Variants in ENTREP2 observed in about 807,000 individuals in gnomAD.
ENTREP2 encodes endosomal transmembrane epsin interactor 2, also known as protein ENTREP2.
the ENTREP2 span, among the ~76,000 whole-genome samples, chr15:29,136,070 G>T: frequency 1.3e-5 from 2 of 152,234 alleles, no homozygotes. Context: ...GATCTAAGGG[G>T]AAAAGCACCA....
the ENTREP2 span, among the ~76,000 whole-genome samples, chr15:29,280,624 C>T: frequency 6.6e-6 from 1 of 152,126 alleles, no homozygotes; most frequent in African/African-American, 2.4e-5. Context: ...CAGCCAATGC[C>T]CCCCCACACA....
chr15:29,563,327 T>G, the ENTREP2 span, among the ~76,000 whole-genome samples: 2 of 152,206 alleles, frequency 1.3e-5, no homozygotes, highest in Admixed American at 6.5e-5. Context: ...ATTCCTTTAA[T>G]TCACTATATC....
the ENTREP2 span, among the ~76,000 whole-genome samples, chr15:29,338,438 A>AG: frequency 6.6e-6 from 1 of 151,804 alleles, no homozygotes; most frequent in East Asian, 1.9e-4. Context: ...AAAAAAAAAA[A>AG]AAAGAAAAGA....
At chr15:29,537,555 C>T in the ENTREP2 span, among the ~76,000 whole-genome samples, 2 of 152,178 alleles carry the variant, frequency 1.3e-5, no homozygotes, top group African/African-American at 4.8e-5. Flanking sequence ...TCCTCAAACC[C>T]TTGGCCTGGC....
At chr15:29,289,133 G>C in the ENTREP2 span, among the ~76,000 whole-genome samples, 1,132 of 151,838 alleles carry the variant, frequency 7.5e-3, 8 homozygotes, top group Non-Finnish European at 0.011. Flanking sequence ...CTTGAGCCTA[G>C]GAGGCAGAGG....
At chr15:29,454,921 G>A in the ENTREP2 span, among the ~76,000 whole-genome samples, 4 of 152,206 alleles carry the variant, frequency 2.6e-5, no homozygotes, top group African/African-American at 4.8e-5. Flanking sequence ...CATTATACAC[G>A]TAAAGCACTT....
chr15:29,516,485 C>T, the ENTREP2 span, among the ~76,000 whole-genome samples: 35 of 152,118 alleles, frequency 2.3e-4, no homozygotes, highest in African/African-American at 8.4e-4. Flanking sequence ...GAAGTGTACA[C>T]AACAATACTA....
the ENTREP2 span, among the ~76,000 whole-genome samples, chr15:29,565,694 T>C: frequency 5.3e-5 from 8 of 152,180 alleles, no homozygotes; most frequent in African/African-American, 1.9e-4. Flanking sequence ...CCGGGTGCGG[T>C]GGCTCACGCC....
the ENTREP2 span, among the ~76,000 whole-genome samples, chr15:29,436,957 G>C: frequency 6.6e-6 from 1 of 152,146 alleles, no homozygotes; most frequent in African/African-American, 2.4e-5. Context: ...TCCTGTCCAA[G>C]AACTCAGAAG....
chr15:29,293,134 C>A, the ENTREP2 span, among the ~76,000 whole-genome samples: 6 of 152,308 alleles, frequency 3.9e-5, no homozygotes, highest in South Asian at 1.2e-3. Context: ...TCAAGTCAGG[C>A]AAAGGCTCCG....
At chr15:29,266,863 T>C in the ENTREP2 span, 1 of 152,232 alleles carries the variant, frequency 6.6e-6, no homozygotes, top group African/African-American at 2.4e-5. Context: ...TTATCGATGG[T>C]AAATTGCTAA....
chr15:29,195,758 C>T, the ENTREP2 span, among the ~76,000 whole-genome samples: 1 of 152,154 alleles, frequency 6.6e-6, no homozygotes, highest in Non-Finnish European at 1.5e-5. Context: ...CTCCTGACCT[C>T]AAGTGGTCCG....
At chr15:29,271,709 A>C in the ENTREP2 span, among the ~76,000 whole-genome samples, 1 of 152,126 alleles carries the variant, frequency 6.6e-6, no homozygotes, top group Admixed American at 6.5e-5. Context: ...TTCATGTAAA[A>C]TCTTTAGTGT....
the ENTREP2 span, among the ~76,000 whole-genome samples, chr15:29,149,512 CT>C: frequency 6.6e-6 from 1 of 152,240 alleles, no homozygotes; most frequent in South Asian, 2.1e-4. Flanking sequence ...TGGCTCAAGC[CT>C]CGGCCCACAT....
chr15:29,640,179 ATTGCCACCAACT>A, the ENTREP2 span, among the ~76,000 whole-genome samples: 1 of 152,218 alleles, frequency 6.6e-6, no homozygotes, highest in African/African-American at 2.4e-5. Context: ...ATGAGAAGCC[ATTGCCACCAACT>A]TACAGAAATA....
chr15:29,664,923 A>G, the ENTREP2 span, among the ~76,000 whole-genome samples: 2 of 152,156 alleles, frequency 1.3e-5, no homozygotes, highest in African/African-American at 4.8e-5. Flanking sequence ...TGTGTCCCCA[A>G]TCCAACTTTC....
the ENTREP2 span, among the ~76,000 whole-genome samples, chr15:29,552,989 T>C: frequency 4.6e-5 from 7 of 152,176 alleles, no homozygotes; most frequent in South Asian, 2.1e-4. Flanking sequence ...TGTGCTTGGA[T>C]TGGAATGTTT....
chr15:29,153,414 G>A, the ENTREP2 span, among the ~76,000 whole-genome samples: 3 of 152,292 alleles, frequency 2.0e-5, no homozygotes, highest in African/African-American at 4.8e-5. Context: ...CCTGCTTCCT[G>A]GTTGAAGATG....
the ENTREP2 span, among the ~76,000 whole-genome samples, chr15:29,330,398 G>A: frequency 3.9e-5 from 6 of 152,016 alleles, no homozygotes; most frequent in African/African-American, 7.2e-5. Context: ...GCAGTGAGCC[G>A]AGATCACGCC....
Sources: allele counts gnomAD v4.1 joint callset (sites outside exome capture counted in the v4.1 genomes callset), GRCh38; gene constraint gnomAD v4.1.1; transcripts MANE v1.5; gene names NCBI Gene and HGNC (gene_info 2026-07-23, HGNC 2026-07-21).